Variants in TEKT5 observed in about 807,000 individuals in gnomAD.
TEKT5 encodes the protein tektin-5.
A neutral mutation model predicts 48.7 loss-of-function variants in TEKT5; 52 were observed. The observed-to-expected ratio is 1.07, with a 90% CI of 0.86 to 1.35. The LOEUF is 1.35. Ranked by LOEUF, TEKT5 falls within the 40% of genes most tolerant of loss-of-function variation. The pLI is 0.00. For synonymous variants in TEKT5, 318 were observed against 267.6 expected, an observed-to-expected ratio of 1.19 and a Z score of -1.84; for missense variants, 831 against 641.6, an observed-to-expected ratio of 1.30 and a Z score of -3.19.
At chr16:10,662,603 T>C (rs538645273) in intron 5 of TEKT5, among the ~76,000 whole-genome samples, 9 of 152,224 alleles carry the variant, frequency 5.9e-5, no homozygotes, top group African/African-American at 1.4e-4. Context: ...GTGCTGCCCA[T>C]TGCTTTCTTG....
At chr16:10,675,265 G>T (rs537380536) in intron 5 of TEKT5, among the ~76,000 whole-genome samples, 4 of 152,122 alleles carry the variant, frequency 2.6e-5, no homozygotes, top group African/African-American at 9.7e-5. Context: ...AGAGGCCAGC[G>T]CCCATGTTTA....
At chr16:10,663,652 C>G (rs1198625311) in intron 5 of TEKT5, among the ~76,000 whole-genome samples, 2 of 152,200 alleles carry the variant, frequency 1.3e-5, no homozygotes, top group East Asian at 1.9e-4. Context: ...CCTTGGCACT[C>G]TTGACATTTG....
At chr16:10,657,238 G>A (rs1262414839) in intron 5 of TEKT5, among the ~76,000 whole-genome samples, 1 of 151,090 alleles carries the variant, frequency 6.6e-6, no homozygotes, top group African/African-American at 2.4e-5. Context: ...CGATTCTCCT[G>A]CCTCAGCCTT....
chr16:10,671,970 G>A (rs1898555814), intron 5 of TEKT5, among the ~76,000 whole-genome samples: 1 of 152,146 alleles, frequency 6.6e-6, no homozygotes, highest in African/African-American at 2.4e-5. Flanking sequence ...GATCTGGGTG[G>A]AAACACAGCC....
rs1198954078 is a variant in TEKT5, at chr16:10,676,212, T to C, written c.864-31A>G. The C allele has an allele frequency of 2.5e-6, 4 of 1,607,576 alleles. No individual in the cohort carries two copies. In the African/African-American group the frequency reaches 4.0e-5, roughly 16 times the overall value. ...AAGGCACAAGGGTGAGTTGCAGCAG[T>C]CCTGGAAGACCTCAGAATCTGTGGT... On this transcript the variant is annotated intron_variant, in intron 4 of 6. Transcript: ENST00000283025.
rs762847453 is a variant in TEKT5, at chr16:10,635,784, G to A, written c.1221C>T (p.Cys407=). 2 of 1,614,116 alleles carry A rather than the reference G, an allele frequency of 1.2e-6. No homozygotes were observed. The highest frequency in any genetic ancestry group is 1.7e-6 in the Non-Finnish European group (2 of 1,179,992). ...CTTACTTCAACTGCGGGATGTCCCT[G>A]CACAGCTCCATGTTGGGGCGCCGGG... ...CRTRRPNMEL[C]RDIPQLKLVN... The change falls in exon 6 of 7, where the codon TGC becomes TGT. Residue 407 remains cysteine, a synonymous_variant. Coordinates refer to ENST00000283025, the MANE Select transcript of TEKT5 (RefSeq NM_144674.2).
intron 3 of TEKT5, among the ~76,000 whole-genome samples, chr16:10,684,044 G>C (rs957878727): frequency 6.6e-6 from 1 of 152,156 alleles, no homozygotes; most frequent in African/African-American, 2.4e-5. Flanking sequence ...ATCCTAGCTA[G>C]AATCTATTTC....
In TEKT5 at chr16:10,682,085, G is replaced by C. The variant is rs201720148; in HGVS notation, c.771C>G (p.Ser257Arg). 6.3e-5 allele frequency: 101 copies of C among 1,614,066 alleles called. 1 individual carries two copies. The highest frequency in any genetic ancestry group is 1.1e-4 in the African/African-American group (8 of 74,910). The change falls in exon 4 of 7, where the codon AGC becomes AGG. Residue 257 changes from serine (S) to arginine (R), a missense_variant. By Grantham distance (110) the Ser-to-Arg change is moderately radical. Coordinates refer to ENST00000283025, the MANE Select transcript of TEKT5 (RefSeq NM_144674.2). Reference protein sequence around the residue: ...HVLERDLEDKSSAQCIDEKCF... With the variant: ...HVLERDLEDKRSAQCIDEKCF... Reference sequence around the variant, plus strand: ...ACTTCTCATCGATACACTGGGCCGAGCTTTTGTCTTCGAGGTCCCTCTCCA... The same window carrying C: ...ACTTCTCATCGATACACTGGGCCGACCTTTTGTCTTCGAGGTCCCTCTCCA...
At chr16:10,689,839 A>C in intron 2 of TEKT5, 103 bp downstream of exon 2, 1 of 1,104,712 alleles carries the variant, frequency 9.1e-7, no homozygotes, top group Non-Finnish European at 1.3e-6. Context: ...CCACACAGTG[A>C]CACGTGTGGC....
chr16:10,653,868 G>A lies in TEKT5; in HGVS notation c.1087-17950C>T, dbSNP rs535143724. On this transcript the variant is annotated intron_variant, in intron 5 of 6. Coordinates refer to ENST00000283025, the MANE Select transcript of TEKT5 (RefSeq NM_144674.2). Reference sequence around the variant, plus strand: ...GCAAAATTTGCAGTGAGCCGAGACCGAGCCATTGCACTCCAGCCTGGGCAA... The same window carrying A: ...GCAAAATTTGCAGTGAGCCGAGACCAAGCCATTGCACTCCAGCCTGGGCAA... Among the ~76,000 whole-genome samples, 12 of 152,260 alleles carry A rather than the reference G, an allele frequency of 7.9e-5. No individual in the cohort carries two copies. In the East Asian group the frequency reaches 9.6e-4, roughly 12 times the overall value.
chr16:10,682,377 G>C (rs111873685), intron 3 of TEKT5, among the ~76,000 whole-genome samples: 2,064 of 152,078 alleles, frequency 0.014, 49 homozygotes, highest in African/African-American at 0.045. Flanking sequence ...ACCCAGGTTG[G>C]AGTGCAGTGG....
intron 5 of TEKT5, among the ~76,000 whole-genome samples, chr16:10,650,771 G>C (rs1189688201): frequency 6.6e-6 from 1 of 151,932 alleles, no homozygotes; most frequent in Non-Finnish European, 1.5e-5. Context: ...TGTAATCCCA[G>C]CTACTCAGGA....
chr16:10,667,743 A>T (rs548579316), intron 5 of TEKT5, among the ~76,000 whole-genome samples: 1 of 152,220 alleles, frequency 6.6e-6, no homozygotes, highest in South Asian at 2.1e-4. Context: ...TTTTTCTTCA[A>T]ATCAGCCTGT....
At chr16:10,681,870 G>A (rs17604476) in intron 4 of TEKT5, 123 bp downstream of exon 4, 170,753 of 1,322,578 alleles carry the variant, frequency 0.13, 11,771 homozygotes, top group Middle Eastern at 0.14. Flanking sequence ...GAGGATCCCC[G>A]TTCAACCATG....
At chr16:10,637,717 C>A (rs1169054869) in intron 5 of TEKT5, among the ~76,000 whole-genome samples, 1 of 152,228 alleles carries the variant, frequency 6.6e-6, no homozygotes, top group Admixed American at 6.5e-5. Context: ...GACTGTGATG[C>A]CTCAACAGAA....
chr16:10,688,464 A>G (rs1282587167), intron 3 of TEKT5, among the ~76,000 whole-genome samples: 7 of 152,166 alleles, frequency 4.6e-5, no homozygotes, highest in Admixed American at 6.5e-5. Context: ...CCAACTGCCC[A>G]TGTGCACCAG....
intron 5 of TEKT5, among the ~76,000 whole-genome samples, chr16:10,659,974 A>G (rs1348418841): frequency 6.6e-6 from 1 of 152,208 alleles, no homozygotes; most frequent in African/African-American, 2.4e-5. Context: ...TAATAAAGGA[A>G]AAAACTCATT....
rs140011444 is a variant in TEKT5, at chr16:10,693,832, T to C, written c.564+478A>G. ...TAAAAATACAAAAATTAGCTGGCCATGGTGGCGGGCACCTGTAATCCCAGC... is the reference window on the plus strand; with the variant it reads ...TAAAAATACAAAAATTAGCTGGCCACGGTGGCGGGCACCTGTAATCCCAGC... On this transcript the variant is annotated intron_variant, in intron 1 of 6. Transcript: ENST00000283025. 1.5e-3 allele frequency among the ~76,000 whole-genome samples: 235 copies of C among 152,146 alleles called. 6 individuals are homozygous for C. In the East Asian group the frequency reaches 0.041, roughly 26 times the overall value.
chr16:10,682,596 G>C (rs1177841249), intron 3 of TEKT5, among the ~76,000 whole-genome samples: 2 of 152,216 alleles, frequency 1.3e-5, no homozygotes, highest in Non-Finnish European at 2.9e-5. Context: ...CCAAAGGGTT[G>C]AGATTACAGG....
Sources: allele counts gnomAD v4.1 joint callset (sites outside exome capture counted in the v4.1 genomes callset), GRCh38; gene constraint gnomAD v4.1.1; transcripts MANE v1.5; gene names NCBI Gene and HGNC (gene_info 2026-07-23, HGNC 2026-07-21).